Variants in PLEKHD1 observed in about 807,000 individuals in gnomAD.
PLEKHD1 encodes pleckstrin homology domain-containing family D member 1.
A neutral mutation model predicts 69.2 loss-of-function variants in PLEKHD1; 51 were observed. The ratio of observed to expected loss-of-function variants is 0.74; its 90% CI spans 0.59 to 0.93. The LOEUF is 0.93. Among genes scored for constraint, PLEKHD1 ranks in the 40% least tolerant of loss-of-function variants. The pLI is 0.00. For synonymous variants in PLEKHD1, 236 were observed against 244.7 expected (o/e 0.96, Z 0.33); for missense variants, 584 against 641.0 (o/e 0.91, Z 0.96).
At chr14:69,493,015 C>T (rs1882810650) in intron 1 of PLEKHD1, among the ~76,000 whole-genome samples, 1 of 152,228 alleles carries the variant, frequency 6.6e-6, no homozygotes, top group Non-Finnish European at 1.5e-5. Flanking sequence ...GATCCTTCTG[C>T]CTTGGTCCCA....
rs190744682 is a variant in PLEKHD1, at chr14:69,496,900, C to A, written c.150-3215C>A. 3.5e-4 allele frequency among the ~76,000 whole-genome samples: 53 copies of A among 152,062 alleles called. 1 individual carries two copies. The highest frequency in any genetic ancestry group is 1.3e-3 in the African/African-American group (53 of 41,474). On this transcript the variant is annotated intron_variant, in intron 1 of 12. Transcript: ENST00000322564. ...CAGTCCTATTGGATTAGGGCCCTAC[C>A]CTTAAGACCTTCCTTAACATTAATT...
intron 6 of PLEKHD1, among the ~76,000 whole-genome samples, chr14:69,519,899 C>T (rs542930169): frequency 1.3e-5 from 2 of 152,186 alleles, no homozygotes; most frequent in Admixed American, 6.5e-5. Context: ...CGGTGGCTCA[C>T]GCCTATAATC....
Position 69,501,824 on chromosome 14 carries a change from A to T in PLEKHD1, c.501A>T (p.Leu167Phe), listed in dbSNP as rs1883032596. ...LQLAKEKQEY[L>F]DKLMEETEEL... is the part of the protein sequence containing the mutation. ...TGGCTAAGGAAAAGCAGGAGTATTT[A>T]GGTTGGCTGGAGGGGTGGTTCCCTA... The change falls in exon 5 of 13, where the codon TTA becomes TTT. Residue 167 changes from leucine (L) to phenylalanine (F), a missense_variant and splice_region_variant. By Grantham distance (22) the Leu-to-Phe change is conservative. Transcript: ENST00000322564. The T allele has an allele frequency of 6.4e-7, 1 of 1,550,392 alleles. No individual in the cohort carries two copies. Among genetic ancestry groups the T allele is most frequent in the Non-Finnish European group, 8.7e-7 (1 of 1,146,104 alleles).
chr14:69,503,412 T>C (rs1594980919), intron 6 of PLEKHD1: 1 of 164,860 alleles, frequency 6.1e-6, no homozygotes, highest in East Asian at 1.7e-4. Context: ...CAGTGCAGGC[T>C]GGGCGCAGTG....
chr14:69,505,932 C>A (rs1347343413), intron 6 of PLEKHD1, among the ~76,000 whole-genome samples: 1 of 152,214 alleles, frequency 6.6e-6, no homozygotes, highest in African/African-American at 2.4e-5. Flanking sequence ...AGCCTGCCTA[C>A]CTTTCCCCTT....
rs189873920 is a variant in PLEKHD1 at position 69,516,667 on chromosome 14, T to A, written c.556-5616T>A. The stretch of plus-strand genomic sequence containing the variant: ...GTAAGGAAAAAGGGTGGGTATCATG[T>A]TTTGATTTCCATTTTTGCGGGGGAG... On this transcript the variant is annotated intron_variant, in intron 6 of 12. Coordinates refer to ENST00000322564, the MANE Select transcript of PLEKHD1 (RefSeq NM_001161498.2). Among the ~76,000 whole-genome samples the A allele has an allele frequency of 2.5e-3, 373 of 152,156 alleles. 1 individual carries two copies. Among genetic ancestry groups the A allele is most frequent in the African/African-American group, 8.6e-3 (356 of 41,496 alleles).
At chr14:69,501,906 G>T in intron 5 of PLEKHD1, 81 bp downstream of exon 5, 1 of 1,267,920 alleles carries the variant, frequency 7.9e-7, no homozygotes. Context: ...AAAGGATGCA[G>T]CAGGGATGAG....
chr14:69,515,848 A>G (rs1883373688), intron 6 of PLEKHD1, among the ~76,000 whole-genome samples: 1 of 152,206 alleles, frequency 6.6e-6, no homozygotes, highest in Admixed American at 6.5e-5. Flanking sequence ...CCCCACCTCC[A>G]AGATTAGGGA....
intron 1 of PLEKHD1, among the ~76,000 whole-genome samples, chr14:69,489,369 G>C (rs1189008532): frequency 1.3e-5 from 2 of 151,972 alleles, no homozygotes; most frequent in Non-Finnish European, 2.9e-5. Context: ...GACCAGCCTG[G>C]CCAACATGGC....
At chr14:69,482,359 A>G (rs1433313793), upstream of PLEKHD1, among the ~76,000 whole-genome samples, 2 of 152,246 alleles carry the variant, frequency 1.3e-5, no homozygotes, top group African/African-American at 2.4e-5. Context: ...ACCAGCAGCC[A>G]TAAGCTGCAA....
intron 6 of PLEKHD1, 124 bp from the exon 7 acceptor site, chr14:69,522,159 C>T: frequency 1.2e-6 from 1 of 840,430 alleles, no homozygotes; most frequent in South Asian, 1.8e-5. Context: ...AATTCCCGGT[C>T]TGGTGCAGCA....
At chr14:69,482,369 A>G (rs74061831), upstream of PLEKHD1, among the ~76,000 whole-genome samples, 843 of 152,346 alleles carry the variant, frequency 5.5e-3, 5 homozygotes, top group African/African-American at 0.019. Flanking sequence ...ATAAGCTGCA[A>G]CTGACCTGAC....
At chr14:69,498,290 G>A (rs564026173) in intron 1 of PLEKHD1, among the ~76,000 whole-genome samples, 1 of 151,820 alleles carries the variant, frequency 6.6e-6, no homozygotes, top group Non-Finnish European at 1.5e-5. Context: ...TTTTCACCAG[G>A]CTTGTCTCAA....
Position 69,527,434 on chromosome 14 carries a change from A to C in PLEKHD1, c.1201+102A>C, listed in dbSNP as rs1332370643. On this transcript the variant is annotated intron_variant, in intron 11 of 12. Coordinates refer to ENST00000322564, the MANE Select transcript of PLEKHD1 (RefSeq NM_001161498.2). ...GAAACCCACACAGGGTCTGCTAGGC[A>C]TGAGGTGCTCCCTGGATATTGAAGG... The C allele has an allele frequency of 8.2e-6, 12 of 1,471,782 alleles. No individual in the cohort carries two copies. The African/African-American group carries it at 9.9e-5, about 12-fold the overall frequency. 91.2% of individuals were successfully genotyped at this position (1,471,782 alleles called of 1,614,324 possible). A position where few individuals can be genotyped will look rare whatever the true frequency, so the allele number is the denominator to read the frequency against.
chr14:69,500,244 G>T, intron 2 of PLEKHD1, 36 bp downstream of exon 2: 3 of 1,451,038 alleles, frequency 2.1e-6, no homozygotes, highest in Non-Finnish European at 2.8e-6. Flanking sequence ...AGCAGGGGAG[G>T]GCCCAGTGCG....
At chr14:69,489,458 T>G (rs895659458) in intron 1 of PLEKHD1, among the ~76,000 whole-genome samples, 30 of 136,202 alleles carry the variant, frequency 2.2e-4, no homozygotes, top group Admixed American at 8.1e-5. Context: ...ACTCAGGAGG[T>G]TGAGGCAGGA....
chr14:69,483,948 A>C (rs1882594392), upstream of PLEKHD1, among the ~76,000 whole-genome samples: 1 of 152,212 alleles, frequency 6.6e-6, no homozygotes, highest in African/African-American at 2.4e-5. Flanking sequence ...AGCGGATGGA[A>C]CAGCTGGTCC....
intron 4 of PLEKHD1, 134 bp downstream of exon 4, chr14:69,501,081 G>A (rs1263329471): frequency 2.1e-6 from 2 of 936,042 alleles, no homozygotes; most frequent in Non-Finnish European, 1.6e-6. Context: ...CTAGGGTAGG[G>A]GAGAGCAGAC....
At position 69,526,781 on chromosome 14, in the gene PLEKHD1, G is replaced by C; in HGVS notation, c.1008G>C (p.Ser336=). 4.5e-6 allele frequency: 7 copies of C among 1,550,184 alleles called. No homozygotes were observed. Among genetic ancestry groups the C allele is most frequent in the Non-Finnish European group, 6.1e-6 (7 of 1,146,352 alleles). Reference sequence around the variant, plus strand: ...GCCAGTCCCAGGCACTGCAGAACTCGCTGCAGGAGCTGACGGCAGAGAAGC... The same window carrying C: ...GCCAGTCCCAGGCACTGCAGAACTCCCTGCAGGAGCTGACGGCAGAGAAGC... ...YSSQSQALQN[S]LQELTAEKQQ... The change falls in exon 10 of 13, where the codon TCG becomes TCC. Residue 336 remains serine, a synonymous_variant. Coordinates refer to ENST00000322564, the MANE Select transcript of PLEKHD1 (RefSeq NM_001161498.2).
Sources: allele counts gnomAD v4.1 joint callset (sites outside exome capture counted in the v4.1 genomes callset), GRCh38; gene constraint gnomAD v4.1.1; transcripts MANE v1.5; gene names NCBI Gene and HGNC (gene_info 2026-07-23, HGNC 2026-07-21).